Variants in PRAMEF20 observed in about 807,000 individuals in gnomAD.
PRAMEF20 encodes PRAME family member 20.
In PRAMEF20, 27 loss-of-function variants were observed where a neutral mutation model predicts 32.4. The ratio of observed to expected loss-of-function variants is 0.83; its 90% confidence interval spans 0.61 to 1.15. PRAMEF20 has a LOEUF of 1.15. Ranked by LOEUF, PRAMEF20 falls within the 50% of genes most tolerant of loss-of-function variation. The pLI, the probability that PRAMEF20 is intolerant of heterozygous loss-of-function variation, is 0.00. For synonymous variants in PRAMEF20, 256 were observed against 235.4 expected, an observed-to-expected ratio of 1.09 and a Z score of -0.80; for missense variants, 604 against 584.5, an observed-to-expected ratio of 1.03 and a Z score of -0.34.
chr1:13,418,120 A>C lies in PRAMEF20; in HGVS notation c.288-2A>C. 1 of 1,612,016 alleles carries C rather than the reference A, an allele frequency of 6.2e-7. No homozygotes were observed. The highest frequency in any genetic ancestry group is 8.5e-7 in the Non-Finnish European group (1 of 1,179,836). ...CTCAGCCTCTCTTCTATTTTTCCTC[A>C]GGAGGTGGAAACTTCAAGTGCTGGA... On this transcript the variant is annotated splice_acceptor_variant, in intron 1 of 2. Transcript: ENST00000602960. LOFTEE classifies it high-confidence loss of function.
upstream of PRAMEF20, among the ~76,000 whole-genome samples, chr1:13,415,521 C>T (rs1018022188): frequency 6.6e-6 from 1 of 152,100 alleles, no homozygotes; most frequent in South Asian, 2.1e-4. Flanking sequence ...AGGCTCATGC[C>T]TGTAATCCCA....
chr1:13,412,215 A>T (rs1292787926), upstream of PRAMEF20, among the ~76,000 whole-genome samples: 6 of 151,900 alleles, frequency 3.9e-5, no homozygotes, highest in Admixed American at 3.9e-4. Flanking sequence ...ACAGGAGTTC[A>T]TCGTGTTGCC....
At chr1:13,410,645 A>G in the PRAMEF20 span, 40,070 of 149,020 alleles carry the variant, frequency 0.27, 6,149 homozygotes, top group African/African-American at 0.42. Flanking sequence ...TGTATGAACA[A>G]TTTGAAGCTT....
At chr1:13,417,910 TTG>T (rs71272484) in intron 1 of PRAMEF20, among the ~76,000 whole-genome samples, 8,823 of 124,166 alleles carry the variant, frequency 0.071, 366 homozygotes, top group African/African-American at 0.083. Flanking sequence ...CCCGGCTAAT[TTG>T]TGTGTGTGTG....
chr1:13,413,378 T>C (rs958513462), upstream of PRAMEF20, among the ~76,000 whole-genome samples: 1 of 152,184 alleles, frequency 6.6e-6, no homozygotes, highest in African/African-American at 2.4e-5. Context: ...TTTTTGTTTT[T>C]GTTTTTGAGA....
chr1:13,413,623 C>T (rs894216292), upstream of PRAMEF20, among the ~76,000 whole-genome samples: 2 of 152,096 alleles, frequency 1.3e-5, no homozygotes, highest in Non-Finnish European at 2.9e-5. Context: ...TCTCAGCCCC[C>T]CAAAGTGCTG....
chr1:13,413,191 T>C (rs1212838277), upstream of PRAMEF20, among the ~76,000 whole-genome samples: 1 of 152,196 alleles, frequency 6.6e-6, no homozygotes, highest in African/African-American at 2.4e-5. Flanking sequence ...AAATTCCATG[T>C]TTGTGGAGTG....
At chr1:13,415,681 T>C (rs1359232174), upstream of PRAMEF20, among the ~76,000 whole-genome samples, 1 of 151,834 alleles carries the variant, frequency 6.6e-6, no homozygotes, top group Non-Finnish European at 1.5e-5. Flanking sequence ...TCCCAGCTAC[T>C]TGGGAGGCTG....
chr1:13,421,045 C>A (rs981265831), exon 3 of PRAMEF20: 1 of 1,613,846 alleles, frequency 6.2e-7, no homozygotes, highest in Non-Finnish European at 8.5e-7. Context: ...TCAGACTCAA[C>A]AACTTATGCC....
chr1:13,420,704 A>C, exon 3 of PRAMEF20: 1 of 1,613,864 alleles, frequency 6.2e-7, no homozygotes, highest in Non-Finnish European at 8.5e-7. Context: ...CAGCTGTCTA[A>C]AGACCTCGTT....
intron 2 of PRAMEF20, among the ~76,000 whole-genome samples, chr1:13,419,097 G>C (rs1641215248): frequency 6.6e-6 from 1 of 151,996 alleles, no homozygotes; most frequent in South Asian, 2.1e-4. Context: ...AGACCAGTGT[G>C]GGTAACACAG....
rs937345106 is a variant in PRAMEF20, at chr1:13,418,324, T to C, written c.490T>C (p.Phe164Leu). The C allele has an allele frequency of 1.1e-4, 183 of 1,613,820 alleles. 1 individual carries two copies. Among genetic ancestry groups the C allele is most frequent in the East Asian group, 8.7e-4 (39 of 44,850 alleles). Reference sequence around the variant, plus strand: ...CAAGAACAGGACTCTGGATGAATACTTCACCTGCCTCTTTCTATGGGTCAA... The same window carrying C: ...CAAGAACAGGACTCTGGATGAATACCTCACCTGCCTCTTTCTATGGGTCAA... Residue 164 changes from phenylalanine to leucine, a missense_variant, in exon 2 of 3, where the codon TTC (phenylalanine) becomes CTC (leucine). Phe to Leu is a conservative substitution (Grantham distance 22, BLOSUM62 0). Coordinates refer to ENST00000602960, the Ensembl canonical transcript of PRAMEF20.
chr1:13,418,885 G>A lies in PRAMEF20; in HGVS notation c.866+185G>A, dbSNP rs1024273528. Among the ~76,000 whole-genome samples, 985 of 152,328 alleles carry A rather than the reference G, an allele frequency of 6.5e-3. 12 individuals carry two copies. The highest frequency in any genetic ancestry group is 0.022 in the African/African-American group (910 of 41,568). ...AATGAAGACAGAGGAATCAGCTGGG[G>A]TAGATGCTATAGAGAGGCTGCCATG... On this transcript the variant is annotated intron_variant, in intron 2 of 2. Transcript: ENST00000602960.
intron 1 of PRAMEF20, among the ~76,000 whole-genome samples, chr1:13,417,660 CAGAG>C (rs1641191488): frequency 6.7e-6 from 1 of 149,254 alleles, no homozygotes; most frequent in South Asian, 2.1e-4. Flanking sequence ...GGAGAAAAGT[CAGAG>C]AGAGGGAAAA....
upstream of PRAMEF20, among the ~76,000 whole-genome samples, chr1:13,412,888 C>T (rs2100428245): frequency 6.6e-6 from 1 of 151,870 alleles, no homozygotes; most frequent in Non-Finnish European, 1.5e-5. Context: ...GACGCCACTG[C>T]ACTCCAGCCT....
At position 13,418,278 on chromosome 1, in the gene PRAMEF20, T is replaced by A. The variant is rs1448141147; in HGVS notation, c.444T>A (p.Thr148=). 3.7e-5 allele frequency: 60 copies of A among 1,613,754 alleles called. 1 individual carries two copies. The highest frequency in any genetic ancestry group is 4.7e-5 in the Non-Finnish European group (56 of 1,179,870). Residue 148 remains threonine (T), a synonymous_variant, in exon 2 of 3, where the codon ACT becomes ACA. Coordinates refer to ENST00000602960, the Ensembl canonical transcript of PRAMEF20. Reference sequence around the variant, plus strand: ...GGATGAGAGGACAGCAGCCCTTGACTGTGTTCATAGACCTTTGCCTCAAGA... The same window carrying A: ...GGATGAGAGGACAGCAGCCCTTGACAGTGTTCATAGACCTTTGCCTCAAGA...
chr1:13,411,822 T>C (rs752200079), upstream of PRAMEF20, among the ~76,000 whole-genome samples: 34,134 of 152,072 alleles, frequency 0.22, 3,971 homozygotes, highest in South Asian at 0.35. Flanking sequence ...GGTGATGGCC[T>C]GTGCCCTCAT....
At chr1:13,412,044 A>AT (rs1325072996), upstream of PRAMEF20, among the ~76,000 whole-genome samples, 13 of 147,940 alleles carry the variant, frequency 8.8e-5, no homozygotes, top group African/African-American at 2.2e-4. Flanking sequence ...TTATTTATTT[A>AT]TTTATTTAAT....
exon 2 of PRAMEF20, chr1:13,418,505 T>TTAC: frequency 6.2e-7 from 1 of 1,613,924 alleles, no homozygotes; most frequent in South Asian, 1.1e-5. Context: ...CTGGCAGAGT[T>TTAC]TACCCCATAC....
Sources: gnomAD v4.1 joint callset for allele counts (sites outside exome capture counted in the v4.1 genomes callset) on GRCh38, gnomAD v4.1.1 for gene constraint, MANE v1.5 for transcripts, NCBI Gene and HGNC (gene_info 2026-07-23, HGNC 2026-07-21) for gene names.